The following NUDT3 variants were observed in gnomAD, a reference collection of about 807,000 sequenced individuals.
The protein encoded by NUDT3 is diphosphoinositol polyphosphate phosphohydrolase 1.
A neutral mutation model predicts 23.6 loss-of-function variants in NUDT3; 9 were observed. That is an observed-to-expected ratio of 0.38 (90% CI 0.23 to 0.66). NUDT3 has a LOEUF of 0.66. NUDT3 is among the 30% of genes least tolerant of loss of function. The probability of loss-of-function intolerance (pLI) is 0.52; values close to 1 mark genes in which losing one functional copy is unlikely to be tolerated. For missense variants in NUDT3, 172 were observed against 218.5 expected (o/e 0.79, Z 1.34); for synonymous variants, 86 against 82.6 (o/e 1.04, Z -0.22).
intron 2 of NUDT3, among the ~76,000 whole-genome samples, chr6:34,304,662 T>C (rs998141915): frequency 6.6e-6 from 1 of 151,734 alleles, no homozygotes; most frequent in Non-Finnish European, 1.5e-5. Flanking sequence ...TTTTCCTTTT[T>C]TTTTTTGTTT....
chr6:34,322,586 A>G (rs1763962280), intron 2 of NUDT3, among the ~76,000 whole-genome samples: 1 of 152,230 alleles, frequency 6.6e-6, no homozygotes, highest in African/African-American at 2.4e-5. Context: ...GAAGAATGGA[A>G]ATACAGTTCT....
chr6:34,343,386 CAAAAAAAA>C (rs571227862), intron 1 of NUDT3, among the ~76,000 whole-genome samples: 1 of 71,276 alleles, frequency 1.4e-5, no homozygotes, highest in East Asian at 4.1e-4. Flanking sequence ...CTCGTCTCTA[CAAAAAAAA>C]AAAAAAAAAA....
chr6:34,322,072 A>G (rs1475264046), intron 2 of NUDT3, among the ~76,000 whole-genome samples: 2 of 152,230 alleles, frequency 1.3e-5, no homozygotes, highest in African/African-American at 4.8e-5. Context: ...CAACGAAGAT[A>G]TAGAACTTTT....
At position 34,310,098 on chromosome 6, in the gene NUDT3, TG is replaced by T. The variant is rs2113708822; in HGVS notation, c.211-14414del. ...AAATAAAAAAATGAGCTGAGCATAGTGGTCTGTTCATGTAGTCTCGGCTACT... is the reference window on the plus strand; with the variant it reads ...AAATAAAAAAATGAGCTGAGCATAGTGTCTGTTCATGTAGTCTCGGCTACT... On this transcript the variant is annotated intron_variant, in intron 2 of 4. Coordinates refer to ENST00000607016, the MANE Select transcript of NUDT3 (RefSeq NM_006703.4). Among the ~76,000 whole-genome samples, 3 of 152,134 alleles carry T rather than the reference TG, an allele frequency of 2.0e-5. No individual in the cohort carries two copies. In the East Asian group the frequency reaches 5.8e-4, roughly 29 times the overall value.
At position 34,293,469 on chromosome 6, in the gene NUDT3, C is replaced by T; in HGVS notation, c.322G>A (p.Glu108Lys). ...GGCTTACCAATGTTAACTGAATCTT[C>T]CCAGTCTTCCAGCACTTCAGTGACA... ...LIVTEVLEDW[E>K]DSVNIGRKRE... is the part of the protein sequence containing the mutation. The change falls in exon 4 of 5, where the codon GAA (glutamate) becomes AAA (lysine). Residue 108 changes from glutamate (E) to lysine (K), a missense_variant. This residue lies in a region of NUDT3 where 59 missense variants were observed against 107.4 expected (regional missense o/e 0.55). Coordinates refer to ENST00000607016, the MANE Select transcript of NUDT3 (RefSeq NM_006703.4). The T allele has an allele frequency of 6.2e-7, 1 of 1,614,186 alleles. No homozygotes were observed. The highest frequency in any genetic ancestry group is 8.5e-7 in the Non-Finnish European group (1 of 1,180,006).
intron 2 of NUDT3, among the ~76,000 whole-genome samples, chr6:34,311,298 G>A (rs2113709700): frequency 6.6e-6 from 1 of 152,154 alleles, no homozygotes; most frequent in Non-Finnish European, 1.5e-5. Flanking sequence ...GAATAAACAA[G>A]TAGAATTTCA....
intron 3 of NUDT3, among the ~76,000 whole-genome samples, chr6:34,295,026 T>TA (rs1220359629): frequency 1.3e-5 from 2 of 152,192 alleles, no homozygotes; most frequent in East Asian, 3.8e-4. Flanking sequence ...TTGTTATAGT[T>TA]ACTTATCTTC....
At chr6:34,351,230 T>C (rs1479420208) in intron 1 of NUDT3, among the ~76,000 whole-genome samples, 5 of 41,680 alleles carry the variant, frequency 1.2e-4, no homozygotes, top group Non-Finnish European at 2.0e-4. Flanking sequence ...AAAAAAACAC[T>C]TTGGGAGGCC....
At chr6:34,321,446 TAATAATAATAA>T (rs1763940959) in intron 2 of NUDT3, among the ~76,000 whole-genome samples, 1 of 151,814 alleles carries the variant, frequency 6.6e-6, no homozygotes, top group South Asian at 2.1e-4. Flanking sequence ...TCAAAAATAA[TAATAATAATAA>T]AATAATAATA....
intron 2 of NUDT3, among the ~76,000 whole-genome samples, chr6:34,311,062 C>CA (rs1203246385): frequency 2.8e-4 from 42 of 149,300 alleles, no homozygotes; most frequent in South Asian, 4.2e-4. Context: ...AGAGTAAGTA[C>CA]AAAAAACTAT....
In NUDT3 at chr6:34,382,246, A is replaced by T. The variant is rs143427719; in HGVS notation, c.99+10018T>A. On this transcript the variant is annotated intron_variant, in intron 1 of 4. Transcript: ENST00000607016. Reference sequence around the variant, plus strand: ...CCTCATCTCTACAAAAAATAAAAAAAATATATATTAGGAGGGTGTGGTGGC... The same window carrying T: ...CCTCATCTCTACAAAAAATAAAAAATATATATATTAGGAGGGTGTGGTGGC... Among the ~76,000 whole-genome samples, 820 of 151,744 alleles carry T rather than the reference A, an allele frequency of 5.4e-3. 3 individuals carry two copies. Among genetic ancestry groups the T allele is most frequent in the African/African-American group, 0.011 (464 of 41,394 alleles).
At chr6:34,311,244 T>A (rs1763767223) in intron 2 of NUDT3, among the ~76,000 whole-genome samples, 1 of 152,192 alleles carries the variant, frequency 6.6e-6, no homozygotes, top group Non-Finnish European at 1.5e-5. Flanking sequence ...GGCTGCAAGA[T>A]ACAAGGGTAA....
At chr6:34,320,829 T>C (rs1763929774) in intron 2 of NUDT3, among the ~76,000 whole-genome samples, 1 of 151,884 alleles carries the variant, frequency 6.6e-6, no homozygotes, top group Admixed American at 6.6e-5. Flanking sequence ...TGAGACCCTG[T>C]CTCAAAATAA....
chr6:34,315,586 A>G (rs1443527742), intron 2 of NUDT3, among the ~76,000 whole-genome samples: 1 of 152,202 alleles, frequency 6.6e-6, no homozygotes, highest in Non-Finnish European at 1.5e-5. Flanking sequence ...GTTTCAAAAA[A>G]AGTTTACTCA....
At chr6:34,383,697 T>C (rs1765060386) in intron 1 of NUDT3, among the ~76,000 whole-genome samples, 1 of 152,188 alleles carries the variant, frequency 6.6e-6, no homozygotes, top group Admixed American at 6.6e-5. Context: ...GCACTATTTT[T>C]ATTGAGAAAT....
chr6:34,387,862 A>T (rs1191530030), intron 1 of NUDT3, among the ~76,000 whole-genome samples: 2 of 152,102 alleles, frequency 1.3e-5, no homozygotes, highest in Non-Finnish European at 1.5e-5. Context: ...AAGAAAAATA[A>T]TTTTTTGATT....
At chr6:34,326,939 C>CGA (rs1052476367) in intron 2 of NUDT3, among the ~76,000 whole-genome samples, 3 of 151,760 alleles carry the variant, frequency 2.0e-5, no homozygotes, top group Non-Finnish European at 4.4e-5. Context: ...TGTGTGGAGA[C>CGA]GAGAGAGAGA....
At chr6:34,314,453 G>A (rs1367781685) in intron 2 of NUDT3, among the ~76,000 whole-genome samples, 1 of 151,494 alleles carries the variant, frequency 6.6e-6, no homozygotes, top group Non-Finnish European at 1.5e-5. Flanking sequence ...CAGCTACTCG[G>A]GAGGCTGAGG....
intron 2 of NUDT3, among the ~76,000 whole-genome samples, chr6:34,297,156 T>C (rs1763513302): frequency 1.3e-5 from 2 of 151,982 alleles, no homozygotes; most frequent in Non-Finnish European, 2.9e-5. Context: ...ATGGTCTCGA[T>C]CTCCTGACCT....
Sources: allele counts gnomAD v4.1 joint callset (sites outside exome capture counted in the v4.1 genomes callset), GRCh38; gene constraint gnomAD v4.1.1; regional missense constraint gnomAD v4.1.1; transcripts MANE v1.5; gene names NCBI Gene and HGNC (gene_info 2026-07-23, HGNC 2026-07-21).